The following ACTR3 variants were observed in gnomAD, a reference collection of about 807,000 sequenced individuals.
ACTR3 encodes actin-related protein 3.
ACTR3 carries 12 observed loss-of-function variants against 56.8 expected under a neutral mutation model. That is an observed-to-expected ratio of 0.21 (90% CI 0.14 to 0.34). ACTR3 has a LOEUF of 0.34. ACTR3 is among the 10% of genes least tolerant of loss of function. The pLI, the probability that ACTR3 is intolerant of heterozygous loss-of-function variation, is 1.00. For missense variants in ACTR3, 282 were observed against 512.5 expected (o/e 0.55, Z 4.34); for synonymous variants, 162 against 167.4 (o/e 0.97, Z 0.25).
rs1559480251 is a variant in ACTR3 at position 113,934,403 on chromosome 2, G to C, written c.540+17G>C. The stretch of plus-strand genomic sequence containing the variant: ...ATTCCTGTGGTAAGGCTATTTTACA[G>C]TTACTGAACAGAACATGAAATAACA... On this transcript the variant is annotated intron_variant, in intron 6 of 11. Transcript: ENST00000263238. 7 of 1,452,384 alleles carry C rather than the reference G, an allele frequency of 4.8e-6. No homozygotes were observed. The South Asian group carries it at 5.0e-5, about 10-fold the overall frequency. 90.0% of individuals were successfully genotyped at this position (1,452,384 alleles called of 1,614,324 possible).
chr2:113,938,837 T>C (rs541319585), intron 6 of ACTR3, among the ~76,000 whole-genome samples: 31 of 152,304 alleles, frequency 2.0e-4, no homozygotes, highest in African/African-American at 7.0e-4. Context: ...CTTTGGCCTT[T>C]CTGACCTTTA....
chr2:113,898,360 A>G (rs1400980902), intron 1 of ACTR3, among the ~76,000 whole-genome samples: 1 of 152,184 alleles, frequency 6.6e-6, no homozygotes, highest in African/African-American at 2.4e-5. Flanking sequence ...TCATTTACAA[A>G]TGAAACAGAG....
intron 10 of ACTR3, chr2:113,954,515 A>G (rs139073724): frequency 3.6e-4 from 55 of 151,656 alleles, no homozygotes; most frequent in African/African-American, 1.1e-3. Context: ...TTTGTGGTCT[A>G]TATCTTTAAT....
At chr2:113,895,059 T>TCCCCCCCCCCCCCCCCCCCCCCC (rs61667793) in intron 1 of ACTR3, among the ~76,000 whole-genome samples, 1 of 111,372 alleles carries the variant, frequency 9.0e-6, no homozygotes, top group African/African-American at 3.4e-5. Context: ...TGGTTTAGGT[T>TCCCCCCCCCCCCCCCCCCCCCCC]CCCCCCCCCC....
chr2:113,896,473 C>G (rs984203981), intron 1 of ACTR3, among the ~76,000 whole-genome samples: 2 of 152,106 alleles, frequency 1.3e-5, no homozygotes, highest in Non-Finnish European at 2.9e-5. Flanking sequence ...ATGAATAGTT[C>G]AAGATTGTAA....
At chr2:113,939,118 G>C (rs1574376454) in intron 6 of ACTR3, among the ~76,000 whole-genome samples, 3 of 151,762 alleles carry the variant, frequency 2.0e-5, no homozygotes, top group South Asian at 4.2e-4. Flanking sequence ...CCGCCTCCCG[G>C]GTTCACGCCA....
chr2:113,942,363 A>ATT lies in ACTR3; in HGVS notation c.858+11_858+12dup. 6.4e-7 allele frequency: 1 copy of ATT among 1,558,826 alleles called. No individual in the cohort carries two copies. On this transcript the variant is annotated splice_donor_region_variant and intron_variant, in intron 8 of 11. Coordinates refer to ENST00000263238, the MANE Select transcript of ACTR3 (RefSeq NM_005721.5). The stretch of plus-strand genomic sequence containing the variant: ...TGAAATCTTTTTTCATCCAGAGGTA[A>ATT]TTTTTTTTAACGGAATTGTTTAAAA...
In ACTR3 at chr2:113,933,010, TAAG is replaced by T. The variant is rs1679751290; in HGVS notation, c.433-1266_433-1264del. Among the ~76,000 whole-genome samples, 3 of 152,332 alleles carry T rather than the reference TAAG, an allele frequency of 2.0e-5. No homozygotes were observed. The South Asian group carries it at 6.2e-4, about 32-fold the overall frequency. On this transcript the variant is annotated intron_variant, in intron 5 of 11. Coordinates refer to ENST00000263238, the MANE Select transcript of ACTR3 (RefSeq NM_005721.5). ...TATACTTTGTTTGAGGCTTGGATTG[TAAG>T]AAATTTAGTTTTTTAAAAAATGAAC...
At chr2:113,934,451 C>G (rs530921155) in intron 6 of ACTR3, 65 bp downstream of exon 6, 2 of 1,052,508 alleles carry the variant, frequency 1.9e-6, no homozygotes, top group South Asian at 3.5e-5. Context: ...TTAAATTATA[C>G]GAATTAATGT....
At chr2:113,894,648 C>A (rs1678970961) in intron 1 of ACTR3, among the ~76,000 whole-genome samples, 1 of 152,106 alleles carries the variant, frequency 6.6e-6, no homozygotes, top group East Asian at 1.9e-4. Context: ...TTGCGGTGAA[C>A]GAACTTTCAG....
intron 1 of ACTR3, among the ~76,000 whole-genome samples, chr2:113,901,144 C>A (rs1054037064): frequency 6.6e-6 from 1 of 152,186 alleles, no homozygotes; most frequent in Non-Finnish European, 1.5e-5. Context: ...CACGGAGAAA[C>A]CCCATCTCTA....
At chr2:113,915,975 T>A (rs1398454591) in intron 2 of ACTR3, among the ~76,000 whole-genome samples, 1 of 152,220 alleles carries the variant, frequency 6.6e-6, no homozygotes, top group Non-Finnish European at 1.5e-5. Context: ...CAAGGTTTTT[T>A]TTATATACAT....
chr2:113,926,685 C>G (rs1679626171), intron 3 of ACTR3, among the ~76,000 whole-genome samples: 1 of 152,194 alleles, frequency 6.6e-6, no homozygotes, highest in Non-Finnish European at 1.5e-5. Flanking sequence ...CTGCTGAGAA[C>G]TGCATTAATT....
chr2:113,946,550 G>T (rs1680023769), intron 8 of ACTR3, among the ~76,000 whole-genome samples: 1 of 151,946 alleles, frequency 6.6e-6, no homozygotes. Flanking sequence ...CTTTTTAATG[G>T]AGTTGTTTTT....
intron 1 of ACTR3, among the ~76,000 whole-genome samples, chr2:113,911,115 G>A (rs543901074): frequency 1.3e-5 from 2 of 152,276 alleles, no homozygotes; most frequent in East Asian, 3.9e-4. Context: ...AGCATCTAAT[G>A]TAGTAGGAGC....
intron 3 of ACTR3, among the ~76,000 whole-genome samples, chr2:113,921,774 G>T (rs1002770128): frequency 1.3e-5 from 2 of 152,130 alleles, no homozygotes; most frequent in African/African-American, 2.4e-5. Flanking sequence ...CTGAGATTTT[G>T]TTAGAGTCAA....
chr2:113,951,338 T>C, intron 8 of ACTR3, 141 bp from the exon 9 acceptor site: 1 of 537,950 alleles, frequency 1.9e-6, no homozygotes, highest in Non-Finnish European at 3.4e-6. Context: ...TTCAGTGTCT[T>C]CAATCTGAAT....
intron 4 of ACTR3, among the ~76,000 whole-genome samples, chr2:113,928,226 A>G (rs1441077438): frequency 1.3e-5 from 2 of 152,162 alleles, no homozygotes; most frequent in East Asian, 1.9e-4. Flanking sequence ...GTGATGGACT[A>G]TAAAGTTGAA....
chr2:113,894,621 G>A (rs2104577925), intron 1 of ACTR3, among the ~76,000 whole-genome samples: 1 of 152,236 alleles, frequency 6.6e-6, no homozygotes, highest in East Asian at 1.9e-4. Context: ...TATTGACTTT[G>A]GATTGCAAAT....
Sources: gnomAD v4.1 joint callset for allele counts (sites outside exome capture counted in the v4.1 genomes callset) on GRCh38, gnomAD v4.1.1 for gene constraint, MANE v1.5 for transcripts, NCBI Gene and HGNC (gene_info 2026-07-23, HGNC 2026-07-21) for gene names.